Variants in EYS observed in about 807,000 individuals in gnomAD.
EYS encodes EGF-like photoreceptor maintenance factor.
Under a neutral mutation model 282.1 loss-of-function variants are expected in EYS, and 250 were observed. That is an observed-to-expected ratio of 0.89 (90% confidence interval 0.80 to 0.98). The LOEUF is 0.98. EYS is among the 50% of genes least tolerant of loss of function. EYS has a pLI of 0.00. For synonymous variants in EYS, 1,355 were observed against 1,282.9 expected (o/e 1.06, Z -1.20); for missense variants, 4,016 against 3,709.0 (o/e 1.08, Z -2.15).
chr6:64,701,714 G>T (rs144516810), intron 22 of EYS, among the ~76,000 whole-genome samples: 2 of 151,956 alleles, frequency 1.3e-5, no homozygotes, highest in Non-Finnish European at 2.9e-5. Context: ...GTGGGTGAGG[G>T]ATGAGAAATT....
At chr6:64,675,673 C>T (rs1014029795) in intron 22 of EYS, among the ~76,000 whole-genome samples, 1 of 151,676 alleles carries the variant, frequency 6.6e-6, no homozygotes, top group Admixed American at 6.6e-5. Context: ...GGTGATCCGC[C>T]CACCTTGGCC....
At chr6:64,824,172 T>G (rs577520752) in intron 19 of EYS, among the ~76,000 whole-genome samples, 2 of 152,012 alleles carry the variant, frequency 1.3e-5, no homozygotes, top group East Asian at 1.9e-4. Context: ...AAAAAGACAC[T>G]TCCCTTTCAT....
intron 2 of EYS, among the ~76,000 whole-genome samples, chr6:65,561,031 A>T (rs1402002709): frequency 6.6e-6 from 1 of 152,084 alleles, no homozygotes; most frequent in East Asian, 1.9e-4. Flanking sequence ...ATATTCTCAG[A>T]TTAAAAGTTG....
rs540993087 is a variant in EYS, at chr6:65,162,220, G to A, written c.2024-104493C>T. On this transcript the variant is annotated intron_variant, in intron 12 of 42. Transcript: ENST00000503581. The stretch of plus-strand genomic sequence containing the variant: ...CCATGTATAAATGGAGATAACACCA[G>A]TTCTGTCCATTTCTCAGGATTCTAT... Among the ~76,000 whole-genome samples, 5 of 151,232 alleles carry A rather than the reference G, an allele frequency of 3.3e-5. No homozygotes were observed. In the South Asian group the frequency reaches 1.0e-3, roughly 31 times the overall value.
intron 35 of EYS, among the ~76,000 whole-genome samples, chr6:63,881,874 G>A (rs1400683765): frequency 2.0e-5 from 3 of 152,124 alleles, no homozygotes; most frequent in Non-Finnish European, 4.4e-5. Flanking sequence ...CAAGCGACAA[G>A]GAATTGTTTG....
At chr6:63,924,874 G>A (rs1764672390) in intron 35 of EYS, among the ~76,000 whole-genome samples, 1 of 152,164 alleles carries the variant, frequency 6.6e-6, no homozygotes, top group Admixed American at 6.5e-5. Context: ...TATATGTGAA[G>A]AGGTTTGGGA....
At chr6:64,727,213 A>C (rs1313681968) in intron 22 of EYS, among the ~76,000 whole-genome samples, 1 of 152,366 alleles carries the variant, frequency 6.6e-6, no homozygotes, top group Middle Eastern at 3.4e-3. Flanking sequence ...CTGAGGAATT[A>C]GACATATTAA....
At chr6:63,909,378 C>G (rs890405421) in intron 35 of EYS, among the ~76,000 whole-genome samples, 1 of 152,048 alleles carries the variant, frequency 6.6e-6, no homozygotes, top group African/African-American at 2.4e-5. Flanking sequence ...TTTACTAGGC[C>G]CACATATAAG....
At chr6:65,175,818 T>G (rs1765209933) in intron 12 of EYS, among the ~76,000 whole-genome samples, 1 of 151,502 alleles carries the variant, frequency 6.6e-6, no homozygotes, top group African/African-American at 2.4e-5. Flanking sequence ...TCAATGAATA[T>G]ACAAGAACCA....
At chr6:64,279,448 T>G (rs1768228712) in intron 30 of EYS, among the ~76,000 whole-genome samples, 1 of 152,170 alleles carries the variant, frequency 6.6e-6, no homozygotes. Flanking sequence ...CATTCCTGTT[T>G]ACTGTAGCTA....
chr6:64,807,393 A>G (rs1764464181), intron 22 of EYS, among the ~76,000 whole-genome samples: 1 of 152,296 alleles, frequency 6.6e-6, no homozygotes, highest in South Asian at 2.1e-4. Flanking sequence ...TGTCACCTAT[A>G]TAATAACTAG....
chr6:64,964,243 T>C (rs143463470), intron 14 of EYS, among the ~76,000 whole-genome samples: 221 of 152,240 alleles, frequency 1.5e-3, no homozygotes, highest in African/African-American at 5.1e-3. Flanking sequence ...ATGAAGGAAT[T>C]TTTATTTCCT....
At position 63,753,987 on chromosome 6, in the gene EYS, C is replaced by T. The variant is rs116645834; in HGVS notation, c.8071+8474G>A. Among the ~76,000 whole-genome samples, 876 of 152,146 alleles carry T rather than the reference C, an allele frequency of 5.8e-3. 4 individuals carry two copies. Among genetic ancestry groups the T allele is most frequent in the Middle Eastern group, 0.017 (5 of 294 alleles). On this transcript the variant is annotated intron_variant, in intron 41 of 42. Transcript: ENST00000503581. ...AATTAATTCTATCACTTTCTAATGC[C>T]CATTTAGGTCCAACTAGCAGAAATA...
intron 12 of EYS, among the ~76,000 whole-genome samples, chr6:65,084,747 C>T (rs1774318913): frequency 6.6e-6 from 1 of 152,088 alleles, no homozygotes; most frequent in Non-Finnish European, 1.5e-5. Flanking sequence ...GTCTCACTAT[C>T]TCAGTGAGTG....
At chr6:64,905,882 G>A (rs1021007023) in intron 16 of EYS, among the ~76,000 whole-genome samples, 1 of 151,888 alleles carries the variant, frequency 6.6e-6, no homozygotes, top group African/African-American at 2.4e-5. Context: ...AAAAAAACTA[G>A]TGTATACCAT....
At chr6:65,134,822 GC>G (rs1276266557) in intron 12 of EYS, among the ~76,000 whole-genome samples, 1 of 151,942 alleles carries the variant, frequency 6.6e-6, no homozygotes, top group African/African-American at 2.4e-5. Context: ...ACATTGTGGG[GC>G]CAGAGTACCC....
chr6:65,209,372 G>C (rs1271268162), intron 12 of EYS, among the ~76,000 whole-genome samples: 2 of 151,290 alleles, frequency 1.3e-5, no homozygotes, highest in Non-Finnish European at 3.0e-5. Flanking sequence ...AAAAATATGT[G>C]AGAATGAAAC....
chr6:64,723,876 T>A (rs1017079253), intron 22 of EYS, among the ~76,000 whole-genome samples: 1 of 152,280 alleles, frequency 6.6e-6, no homozygotes, highest in Non-Finnish European at 1.5e-5. Context: ...GCCTCATCAC[T>A]GCACTGTGCC....
chr6:64,140,539 G>T (rs188950973), intron 31 of EYS, among the ~76,000 whole-genome samples: 1 of 152,156 alleles, frequency 6.6e-6, no homozygotes, highest in African/African-American at 2.4e-5. Flanking sequence ...GACCATCTGA[G>T]TTCAGCCAAT....
Sources: gnomAD v4.1 joint callset for allele counts (sites outside exome capture counted in the v4.1 genomes callset) on GRCh38, gnomAD v4.1.1 for gene constraint, MANE v1.5 for transcripts, NCBI Gene and HGNC (gene_info 2026-07-23, HGNC 2026-07-21) for gene names.